Variants in SBNO2 observed in about 807,000 individuals in gnomAD.
SBNO2 encodes protein strawberry notch homolog 2.
A neutral mutation model predicts 146.3 loss-of-function variants in SBNO2; 89 were observed. The observed-to-expected ratio is 0.61, with a 90% CI of 0.51 to 0.73. SBNO2 has a LOEUF of 0.73. Ranked by LOEUF, SBNO2 falls within the 30% of genes least tolerant of loss-of-function variation. The pLI, the probability that SBNO2 is intolerant of heterozygous loss-of-function variation, is 0.00. For synonymous variants in SBNO2, 1,147 were observed against 892.6 expected (o/e 1.29, Z -5.08); for missense variants, 2,092 against 2,003.7 (o/e 1.04, Z -0.84).
At position 1,147,305 on chromosome 19, in the gene SBNO2, C is replaced by T. The variant is rs755326958; in HGVS notation, c.279+4G>A. 2 of 1,576,806 alleles carry T rather than the reference C, an allele frequency of 1.3e-6. No individual in the cohort carries two copies. Among genetic ancestry groups the T allele is most frequent in the African/African-American group, 2.8e-5 (2 of 72,448 alleles). ...ACGGCGCGGTGAGCTCCTGGGGCTC[C>T]TACCTGAGCAAAGTCGCAGGTCTTT... On this transcript the variant is annotated splice_donor_region_variant and intron_variant, in intron 4 of 31. Transcript: ENST00000361757.
intron 2 of SBNO2, among the ~76,000 whole-genome samples, chr19:1,151,869 G>A (rs1398529463): frequency 5.3e-5 from 8 of 152,164 alleles, no homozygotes; most frequent in Non-Finnish European, 7.3e-5. Context: ...CATCATGTTG[G>A]CCAGGCCGGT....
chr19:1,148,453 G>A (rs1019733362), intron 3 of SBNO2, among the ~76,000 whole-genome samples: 2 of 148,604 alleles, frequency 1.3e-5, no homozygotes, highest in African/African-American at 4.9e-5. Context: ...GCTGCCCTCT[G>A]TGGGAAAAGT....
Position 1,124,189 on chromosome 19 carries a change from C to T in SBNO2, c.442-167G>A, listed in dbSNP as rs1458404379. The T allele has an allele frequency of 2.1e-5, 14 of 679,498 alleles. No individual in the cohort carries two copies. In the Admixed American group the frequency reaches 3.8e-4, roughly 19 times the overall value. The allele number at this position is 679,498 out of a possible 1,614,324, so 42.1% of individuals were successfully genotyped here. A position where few individuals can be genotyped will look rare whatever the true frequency, so the allele number is the denominator to read the frequency against. On this transcript the variant is annotated intron_variant, in intron 5 of 31. Transcript: ENST00000361757. ...GCTCTCCTGCTGTTCTCAGGGTGACCCTGGTGCCTCCCAAGCCTCCCCAGT... is the reference window on the plus strand; with the variant it reads ...GCTCTCCTGCTGTTCTCAGGGTGACTCTGGTGCCTCCCAAGCCTCCCCAGT...
At chr19:1,147,513 C>T (rs1014938382) in intron 3 of SBNO2, 93 bp from the exon 4 acceptor site, 54 of 672,372 alleles carry the variant, frequency 8.0e-5, no homozygotes, top group Non-Finnish European at 1.3e-4. Context: ...AGCCAGAGGC[C>T]CCTCGAGGCC....
intron 3 of SBNO2, 47 bp from the exon 4 acceptor site, chr19:1,147,467 A>ACTCC (rs1426966926): frequency 9.4e-7 from 1 of 1,065,338 alleles, no homozygotes; most frequent in African/African-American, 1.9e-5. Flanking sequence ...TGCTCAACCC[A>ACTCC]CTCCCTCAGT....
chr19:1,109,920 G>T lies in SBNO2; in HGVS notation c.3029-143C>A. The T allele has an allele frequency of 3.1e-6, 2 of 640,608 alleles. No homozygotes were observed. Among genetic ancestry groups the T allele is most frequent in the South Asian group, 3.9e-5 (2 of 51,070 alleles). The allele number at this position is 640,608 out of a possible 1,614,324, so 39.7% of individuals were successfully genotyped here. On this transcript the variant is annotated intron_variant, in intron 26 of 31. Coordinates refer to ENST00000361757, the MANE Select transcript of SBNO2 (RefSeq NM_014963.3). This position sits in a 1 kb window ranked among gnomAD's most constrained non-coding sequence, Gnocchi z 4.2. ...GTGTCCTGGATCCTGGCCTGACCTGGCCCAGCGTGGGGATGGTGCACGTGG... is the reference window on the plus strand; with the variant it reads ...GTGTCCTGGATCCTGGCCTGACCTGTCCCAGCGTGGGGATGGTGCACGTGG...
At chr19:1,129,663 G>A (rs1456108192) in intron 4 of SBNO2, among the ~76,000 whole-genome samples, 3 of 152,210 alleles carry the variant, frequency 2.0e-5, no homozygotes, top group African/African-American at 4.8e-5. Flanking sequence ...CCTGTGGCCC[G>A]GACCCTCCGT....
At position 1,158,433 on chromosome 19, in the gene SBNO2, G is replaced by A. The variant is rs529796128; in HGVS notation, c.-126-4031C>T. Among the ~76,000 whole-genome samples the A allele has an allele frequency of 1.1e-4, 17 of 152,250 alleles. No homozygotes were observed. The highest frequency in any genetic ancestry group is 5.8e-4 in the East Asian group (3 of 5,176). ...GCAGCTCAGGCCACGCTGTGCCCAC[G>A]TTCGCGACGGCAAAGCGGAGACCCT... On this transcript the variant is annotated intron_variant, in intron 1 of 31. Coordinates refer to ENST00000361757, the MANE Select transcript of SBNO2 (RefSeq NM_014963.3). The surrounding 1 kb of genome is among the most constrained non-coding windows in gnomAD (Gnocchi z 9.9).
intron 1 of SBNO2, among the ~76,000 whole-genome samples, chr19:1,156,588 G>A (rs901198351): frequency 1.3e-5 from 2 of 152,158 alleles, no homozygotes; most frequent in Non-Finnish European, 2.9e-5. Flanking sequence ...AGCCACCCGA[G>A]GAAGCAGCCC....
At chr19:1,117,533 G>GTGGCTCC (rs1260168865) in intron 14 of SBNO2, 34 bp from the exon 15 acceptor site, 34 of 1,531,264 alleles carry the variant, frequency 2.2e-5, no homozygotes, top group Non-Finnish European at 2.9e-5. Context: ...CCCCTGAGCT[G>GTGGCTCC]TGGCTCCTGG....
At chr19:1,165,949 T>C (rs1056185704) in intron 1 of SBNO2, among the ~76,000 whole-genome samples, 19 of 4,776 alleles carry the variant, frequency 4.0e-3, no homozygotes, top group African/African-American at 0.01. Context: ...CCCCAGATCC[T>C]AGATCTCAGA....
chr19:1,139,378 G>C (rs1475011941), intron 4 of SBNO2, among the ~76,000 whole-genome samples: 2 of 152,172 alleles, frequency 1.3e-5, no homozygotes, highest in Non-Finnish European at 2.9e-5. Flanking sequence ...GCCTCCTCTA[G>C]GGGGACAATG....
At chr19:1,133,908 A>G (rs1407524881) in intron 4 of SBNO2, among the ~76,000 whole-genome samples, 3 of 152,180 alleles carry the variant, frequency 2.0e-5, no homozygotes, top group African/African-American at 7.2e-5. Context: ...CAGCTCCTCA[A>G]AAGAGGCGAA....
chr19:1,119,470 T>TCCCCC, intron 13 of SBNO2, 46 bp downstream of exon 13: 1 of 1,333,212 alleles, frequency 7.5e-7, no homozygotes, highest in Non-Finnish European at 1.1e-6. Context: ...TGAGGCCTCC[T>TCCCCC]CCCCACCCCC....
In SBNO2 at chr19:1,112,713, A is replaced by G; in HGVS notation, c.2379+105T>C. 9 of 1,456,434 alleles carry G rather than the reference A, an allele frequency of 6.2e-6. No individual in the cohort carries two copies. The highest frequency in any genetic ancestry group is 2.7e-5 in the South Asian group (2 of 72,926). The allele number at this position is 1,456,434 out of a possible 1,614,324, so 90.2% of individuals were successfully genotyped here. On this transcript the variant is annotated intron_variant, in intron 20 of 31. Coordinates refer to ENST00000361757, the MANE Select transcript of SBNO2 (RefSeq NM_014963.3). The surrounding 1 kb of genome is among the most constrained non-coding windows in gnomAD (Gnocchi z 5.9). ...GGCCACTCGCGCCCGCACCTGGCAC[A>G]CACACACTCCAGAAGTGCGCGGGTC...
chr19:1,156,606 A>G lies in SBNO2; in HGVS notation c.-126-2204T>C, dbSNP rs548319755. Among the ~76,000 whole-genome samples the G allele has an allele frequency of 1.1e-4, 17 of 152,242 alleles. No individual in the cohort carries two copies. In the South Asian group the frequency reaches 3.5e-3, roughly 32 times the overall value. On this transcript the variant is annotated intron_variant, in intron 1 of 31. Transcript: ENST00000361757. ...CACCCGAGGAAGCAGCCCAGTGTCC[A>G]CGGATAGGCGAGTGGACCAGCATGT... is the stretch of plus-strand genomic sequence containing the variant.
At chr19:1,170,667 C>T (rs998822928) in intron 1 of SBNO2, among the ~76,000 whole-genome samples, 3 of 151,986 alleles carry the variant, frequency 2.0e-5, no homozygotes, top group Non-Finnish European at 4.4e-5. Flanking sequence ...AACACACGCA[C>T]ACATACAAAA....
At chr19:1,142,800 C>G (rs1599861302) in intron 4 of SBNO2, among the ~76,000 whole-genome samples, 1 of 152,170 alleles carries the variant, frequency 6.6e-6, no homozygotes, top group Non-Finnish European at 1.5e-5. Context: ...AATCCCATCT[C>G]TACTAAAAAT....
rs374081926 is a variant in SBNO2 at position 1,127,681 on chromosome 19, C to T, written c.364G>A (p.Asp122Asn). 1.9e-5 allele frequency: 30 copies of T among 1,613,402 alleles called. No homozygotes were observed. The highest frequency in any genetic ancestry group is 3.3e-5 in the Admixed American group (2 of 59,990). The change falls in exon 5 of 32, where the codon GAC becomes AAC. Residue 122 changes from aspartate to asparagine, a missense_variant. Coordinates refer to ENST00000361757, the MANE Select transcript of SBNO2 (RefSeq NM_014963.3). The part of the protein sequence containing the change: ...DSLSDIVDTP[D>N]FLPADSLNQV... ...TTGAGGCTGTCAGCCGGCAGGAAGT[C>T]GGGCGTGTCCACGATGTCCGACAGG...
Sources: allele counts gnomAD v4.1 joint callset (sites outside exome capture counted in the v4.1 genomes callset), GRCh38; gene constraint gnomAD v4.1.1; non-coding constraint Gnocchi (gnomAD v3.1); transcripts MANE v1.5; gene names NCBI Gene and HGNC (gene_info 2026-07-23, HGNC 2026-07-21).